Variants in TRPM3 observed in about 807,000 individuals in gnomAD.
The protein encoded by TRPM3 is transient receptor potential cation channel subfamily M member 3.
In TRPM3, 77 loss-of-function variants were observed where a neutral mutation model predicts 181.2. That is an observed-to-expected ratio of 0.42 (90% CI 0.35 to 0.51). The LOEUF is 0.51. Among genes scored for constraint, TRPM3 ranks in the 20% least tolerant of loss-of-function variants. The probability of loss-of-function intolerance (pLI) is 0.01; values close to 1 mark genes in which losing one functional copy is unlikely to be tolerated. For missense variants in TRPM3, 1,759 were observed against 2,196.7 expected (o/e 0.80, Z 3.98); for synonymous variants, 745 against 796.4 (o/e 0.94, Z 1.09).
chr9:71,118,738 G>A (rs2072982440), intron 1 of TRPM3, among the ~76,000 whole-genome samples: 1 of 151,972 alleles, frequency 6.6e-6, no homozygotes, highest in South Asian at 2.1e-4. Flanking sequence ...ATAATCTACT[G>A]GATTCCTAGA....
In TRPM3 at chr9:71,058,387, G is replaced by A. The variant is rs79927695; in HGVS notation, c.177+62791C>T. Among the ~76,000 whole-genome samples the A allele has an allele frequency of 4.9e-3, 745 of 152,116 alleles. 17 individuals are homozygous for A. The East Asian group carries it at 0.077, about 16-fold the overall frequency. On this transcript the variant is annotated intron_variant, in intron 1 of 25. Transcript: ENST00000677713. ...AACCAGGGACGGAGACTGCACAGCT[G>A]CACAGCTGCAGGAGGGTTGGCTCTG... is the stretch of plus-strand genomic sequence containing the variant.
At chr9:71,107,084 A>G (rs1016371443) in intron 1 of TRPM3, among the ~76,000 whole-genome samples, 4 of 152,130 alleles carry the variant, frequency 2.6e-5, no homozygotes, top group Non-Finnish European at 4.4e-5. Context: ...AGCAATGTAA[A>G]CTAGGCAGAC....
chr9:71,380,621 G>A (rs193121455), intron 1 of TRPM3, among the ~76,000 whole-genome samples: 15 of 152,000 alleles, frequency 9.9e-5, no homozygotes, highest in Middle Eastern at 3.4e-3. Flanking sequence ...AGAAAGCAAA[G>A]AAAATAGTAT....
intron 1 of TRPM3, among the ~76,000 whole-genome samples, chr9:71,281,657 G>T (rs551274592): frequency 1.3e-5 from 2 of 152,238 alleles, no homozygotes; most frequent in Admixed American, 1.3e-4. Context: ...TTTAGAATTT[G>T]CTGGATTCCT....
At chr9:71,331,188 A>T (rs2090082754) in intron 1 of TRPM3, among the ~76,000 whole-genome samples, 1 of 151,942 alleles carries the variant, frequency 6.6e-6, no homozygotes, top group South Asian at 2.1e-4. Context: ...ATCCTAGGCA[A>T]AATTTTGGAT....
At chr9:70,560,780 C>T (rs1340180750) in intron 22 of TRPM3, among the ~76,000 whole-genome samples, 1 of 152,086 alleles carries the variant, frequency 6.6e-6, no homozygotes, top group East Asian at 1.9e-4. Context: ...AGATGAAGTA[C>T]GAGTACACAG....
chr9:71,344,013 GTTAGA>G (rs78208290), intron 1 of TRPM3, among the ~76,000 whole-genome samples: 2,826 of 150,124 alleles, frequency 0.019, 36 homozygotes, highest in Middle Eastern at 0.061. Context: ...ATTATTCCAT[GTTAGA>G]TTAGATTAGA....
intron 6 of TRPM3, among the ~76,000 whole-genome samples, chr9:70,787,576 T>C (rs1020700354): frequency 6.6e-6 from 1 of 152,110 alleles, no homozygotes; most frequent in Non-Finnish European, 1.5e-5. Context: ...CATAAACGTA[T>C]TGTCTTTATT....
Position 70,674,882 on chromosome 9 carries a change from A to T in TRPM3, c.1345+6624T>A, listed in dbSNP as rs187430232. Among the ~76,000 whole-genome samples the T allele has an allele frequency of 5.5e-3, 827 of 151,634 alleles. 6 individuals are homozygous for T. The highest frequency in any genetic ancestry group is 0.018 in the African/African-American group (761 of 41,404). On this transcript the variant is annotated intron_variant, in intron 9 of 25. Transcript: ENST00000677713. ...CACCCAGCATATATATGAAATTTTT[A>T]AAAAATTTATCTACCTTTAAGTTTA...
At chr9:70,820,760 G>C (rs1030950786) in intron 6 of TRPM3, among the ~76,000 whole-genome samples, 2 of 152,026 alleles carry the variant, frequency 1.3e-5, no homozygotes, top group Non-Finnish European at 2.9e-5. Flanking sequence ...CTGTAAGCTA[G>C]GGAATTGTTA....
chr9:71,228,610 A>C (rs1156546044), intron 1 of TRPM3, among the ~76,000 whole-genome samples: 14 of 152,148 alleles, frequency 9.2e-5, no homozygotes, highest in African/African-American at 3.1e-4. Flanking sequence ...GAACGGATAA[A>C]TTCAGTAAAG....
intron 1 of TRPM3, among the ~76,000 whole-genome samples, chr9:70,923,595 A>G (rs2096681972): frequency 1.3e-5 from 2 of 152,098 alleles, no homozygotes; most frequent in South Asian, 4.1e-4. Context: ...CTAGATTCCT[A>G]AGGGTCATGT....
At chr9:71,416,106 A>T (rs77023649) in intron 1 of TRPM3, among the ~76,000 whole-genome samples, 2,190 of 151,802 alleles carry the variant, frequency 0.014, 46 homozygotes, top group East Asian at 0.085. Flanking sequence ...TTTCACAAAG[A>T]AAAAAGACCT....
chr9:71,308,341 A>C (rs2087578871), intron 1 of TRPM3, among the ~76,000 whole-genome samples: 1 of 152,194 alleles, frequency 6.6e-6, no homozygotes, highest in South Asian at 2.1e-4. Flanking sequence ...AATTTAGAGG[A>C]TTATTTGAGA....
chr9:71,084,911 G>C (rs1212445067), intron 1 of TRPM3, among the ~76,000 whole-genome samples: 1 of 152,012 alleles, frequency 6.6e-6, no homozygotes, highest in South Asian at 2.1e-4. Context: ...AAACAGCATG[G>C]TACTGGTACA....
chr9:71,228,003 A>T (rs2131887711), intron 1 of TRPM3, among the ~76,000 whole-genome samples: 1 of 152,322 alleles, frequency 6.6e-6, no homozygotes, highest in Non-Finnish European at 1.5e-5. Context: ...TATTACCCTG[A>T]TCATCAAACC....
chr9:70,789,551 G>A (rs2084832906), intron 6 of TRPM3, among the ~76,000 whole-genome samples: 1 of 152,122 alleles, frequency 6.6e-6, no homozygotes, highest in Non-Finnish European at 1.5e-5. Flanking sequence ...TTAGTTGATT[G>A]CAGTCATTTT....
chr9:71,397,020 G>T (rs1299905621), intron 1 of TRPM3, among the ~76,000 whole-genome samples: 1 of 151,338 alleles, frequency 6.6e-6, no homozygotes, highest in Non-Finnish European at 1.5e-5. Context: ...ACATGCACCA[G>T]CTTTTCTTCC....
At chr9:71,124,254 T>C (rs1391844181), upstream of TRPM3, among the ~76,000 whole-genome samples, 3 of 151,090 alleles carry the variant, frequency 2.0e-5, no homozygotes, top group Non-Finnish European at 4.4e-5. Flanking sequence ...TTCAAGAAAT[T>C]ATATTTTCAC....
Sources: gnomAD v4.1 joint callset for allele counts (sites outside exome capture counted in the v4.1 genomes callset) on GRCh38, gnomAD v4.1.1 for gene constraint, MANE v1.5 for transcripts, NCBI Gene and HGNC (gene_info 2026-07-23, HGNC 2026-07-21) for gene names.